The following MKRN2OS variants were observed in gnomAD, a reference collection of about 807,000 sequenced individuals.
The protein encoded by MKRN2OS is MKRN2 opposite strand protein.
MKRN2OS carries 17 observed loss-of-function variants against 18.2 expected under a neutral mutation model. The observed-to-expected ratio is 0.93, with a 90% CI of 0.64 to 1.40. The LOEUF is 1.40. Ranked by LOEUF, MKRN2OS falls within the 40% of genes most tolerant of loss-of-function variation. The pLI, the probability that MKRN2OS is intolerant of heterozygous loss-of-function variation, is 0.00. For missense variants in MKRN2OS, 337 were observed against 283.0 expected (o/e 1.19, Z -1.37); for synonymous variants, 121 against 108.5 (o/e 1.12, Z -0.72).
rs1302889111 is a variant in MKRN2OS at position 12,540,181 on chromosome 3, C to T, written c.*12G>A. 2 of 1,536,036 alleles carry T rather than the reference C, an allele frequency of 1.3e-6. No homozygotes were observed. The highest frequency in any genetic ancestry group is 2.7e-5 in the African/African-American group (2 of 73,064). On this transcript the variant is annotated 3_prime_UTR_variant, in exon 4 of 4. Coordinates refer to ENST00000564146, the MANE Select transcript of MKRN2OS (RefSeq NM_001195279.2). ...CCTACCCTCCAGCGTCCAGGCTGCGCTTACATAGCTCTCAGCACAAACCGC... is the reference window on the plus strand; with the variant it reads ...CCTACCCTCCAGCGTCCAGGCTGCGTTTACATAGCTCTCAGCACAAACCGC...
chr3:12,544,074 C>G (rs907564948), intron 1 of MKRN2OS, among the ~76,000 whole-genome samples: 1 of 152,022 alleles, frequency 6.6e-6, no homozygotes, highest in South Asian at 2.1e-4. Context: ...CTATTTAGCA[C>G]CTAACAGTAT....
At chr3:12,556,832 C>T (rs1024555116) in intron 1 of MKRN2OS, among the ~76,000 whole-genome samples, 2 of 152,116 alleles carry the variant, frequency 1.3e-5, no homozygotes, top group Non-Finnish European at 2.9e-5. Context: ...GGGGCAGAAT[C>T]GCAGGCACTA....
At chr3:12,557,125 G>A in intron 1 of MKRN2OS, 1 of 1,490,760 alleles carries the variant, frequency 6.7e-7, no homozygotes, top group Non-Finnish European at 8.9e-7. Flanking sequence ...GCGGCGGCAC[G>A]ACGACGGTCC....
intron 3 of MKRN2OS, 143 bp from the exon 4 acceptor site, chr3:12,540,576 CA>C (rs1319652624): frequency 2.1e-6 from 2 of 968,980 alleles, no homozygotes; most frequent in East Asian, 5.3e-5. Context: ...TAAGAAGCTT[CA>C]AGATGTGCAC....
intron 1 of MKRN2OS, among the ~76,000 whole-genome samples, chr3:12,555,058 C>T (rs1359374738): frequency 1.3e-5 from 2 of 152,074 alleles, no homozygotes. Context: ...GCCCGTAATC[C>T]CAGCACTTTG....
chr3:12,547,035 A>C (rs2125292529), upstream of MKRN2OS, among the ~76,000 whole-genome samples: 1 of 151,636 alleles, frequency 6.6e-6, no homozygotes, highest in East Asian at 2.0e-4. Flanking sequence ...TTGAGCCTGG[A>C]AGGTCGAGGG....
At chr3:12,548,447 C>CA (rs1215377576), upstream of MKRN2OS, among the ~76,000 whole-genome samples, 786 of 18,616 alleles carry the variant, frequency 0.042, 70 homozygotes, top group Non-Finnish European at 0.055. Context: ...GACTCCGTCT[C>CA]AAAAAAAAAA....
At chr3:12,553,353 T>C (rs1204886496), downstream of MKRN2OS, among the ~76,000 whole-genome samples, 1 of 151,896 alleles carries the variant, frequency 6.6e-6, no homozygotes, top group African/African-American at 2.4e-5. Flanking sequence ...TTGGGTAGGG[T>C]TAACATTAAA....
upstream of MKRN2OS, among the ~76,000 whole-genome samples, chr3:12,545,722 A>T (rs1399670170): frequency 6.6e-6 from 1 of 152,124 alleles, no homozygotes; most frequent in African/African-American, 2.4e-5. Context: ...TCATCCTTTA[A>T]AGCCTCACTT....
chr3:12,544,901 A>G (rs565607037), intron 1 of MKRN2OS, among the ~76,000 whole-genome samples: 1 of 152,346 alleles, frequency 6.6e-6, no homozygotes, highest in South Asian at 2.1e-4. Context: ...TTTGTCACTG[A>G]AACTACAAAT....
At chr3:12,554,506 A>T (rs926215976) in intron 1 of MKRN2OS, among the ~76,000 whole-genome samples, 74 of 150,148 alleles carry the variant, frequency 4.9e-4, no homozygotes, top group African/African-American at 1.7e-3. Context: ...TGAAATATAA[A>T]AATATATATA....
chr3:12,548,457 A>T (rs13075734), upstream of MKRN2OS, among the ~76,000 whole-genome samples: 82,421 of 136,366 alleles, frequency 0.6, 27,521 homozygotes, highest in African/African-American at 0.86. Flanking sequence ...CAAAAAAAAA[A>T]AAAAAAAAAA....
At chr3:12,556,059 A>G (rs925786221) in intron 1 of MKRN2OS, among the ~76,000 whole-genome samples, 1 of 152,248 alleles carries the variant, frequency 6.6e-6, no homozygotes, top group Non-Finnish European at 1.5e-5. Context: ...GTGCACTTAT[A>G]TTGTGCATGT....
intron 1 of MKRN2OS, chr3:12,557,024 G>T (rs1575512229): frequency 1.0e-6 from 1 of 1,002,350 alleles, no homozygotes; most frequent in African/African-American, 1.7e-5. Flanking sequence ...CACACCGGAG[G>T]GGCGGCGTGC....
intron 3 of MKRN2OS, 43 bp from the exon 4 acceptor site, chr3:12,540,476 A>G: frequency 3.9e-6 from 6 of 1,534,756 alleles, no homozygotes; most frequent in Non-Finnish European, 2.6e-6. Flanking sequence ...AAGGCTGCTC[A>G]GAACAGGCTG....
At chr3:12,543,605 G>T (rs529577678) in intron 1 of MKRN2OS, among the ~76,000 whole-genome samples, 1 of 151,496 alleles carries the variant, frequency 6.6e-6, no homozygotes, top group East Asian at 1.9e-4. Flanking sequence ...AATAGAGCCA[G>T]CTGGATGCAG....
chr3:12,560,764 G>A (rs1397420708), exon 1 of MKRN2OS: 1 of 152,310 alleles, frequency 6.6e-6, no homozygotes, highest in Non-Finnish European at 1.5e-5. Flanking sequence ...TACCTGCTCT[G>A]AGTCTCCAGC....
upstream of MKRN2OS, among the ~76,000 whole-genome samples, chr3:12,549,390 T>C (rs1430716448): frequency 1.3e-5 from 2 of 151,908 alleles, no homozygotes; most frequent in Non-Finnish European, 2.9e-5. Flanking sequence ...ATTACAGGTA[T>C]GCACCACTGC....
chr3:12,557,844 C>G (rs1367968793), intron 1 of MKRN2OS, among the ~76,000 whole-genome samples: 1 of 152,198 alleles, frequency 6.6e-6, no homozygotes, highest in East Asian at 1.9e-4. Flanking sequence ...ATTTATCTTA[C>G]TGAGAGAGCC....
Sources: gnomAD v4.1 joint callset for allele counts (sites outside exome capture counted in the v4.1 genomes callset) on GRCh38, gnomAD v4.1.1 for gene constraint, MANE v1.5 for transcripts, NCBI Gene and HGNC (gene_info 2026-07-23, HGNC 2026-07-21) for gene names.